LPP: variants seen among roughly 807,000 people sequenced by gnomAD.
LPP encodes the protein lipoma-preferred partner.
Under a neutral mutation model 60.4 loss-of-function variants are expected in LPP, and 38 were observed. The ratio of observed to expected loss-of-function variants is 0.63; its 90% CI spans 0.49 to 0.83. LPP has a LOEUF of 0.83. LPP is among the 40% of genes least tolerant of loss of function. The pLI is 0.00. For missense variants in LPP, 902 were observed against 783.6 expected, an observed-to-expected ratio of 1.15 and a Z score of -1.80; for synonymous variants, 328 against 290.8, an observed-to-expected ratio of 1.13 and a Z score of -1.30.
At position 188,612,849 on chromosome 3, in the gene LPP, A is replaced by T. The variant is rs568153784; in HGVS notation, c.1113+3005A>T. On this transcript the variant is annotated intron_variant, in intron 7 of 11. Coordinates refer to ENST00000617246, the MANE Select transcript of LPP (RefSeq NM_001375462.1). Reference sequence around the variant, plus strand: ...TTTAGTTTTCCTATATCAGGATAGTATAAAAAGAGGAATATGATATAGTAA... The same window carrying T: ...TTTAGTTTTCCTATATCAGGATAGTTTAAAAAGAGGAATATGATATAGTAA... Among the ~76,000 whole-genome samples, 9 of 152,276 alleles carry T rather than the reference A, an allele frequency of 5.9e-5. No individual in the cohort carries two copies. The South Asian group carries it at 1.9e-3, about 32-fold the overall frequency.
chr3:188,679,562 T>A (rs9816208), intron 7 of LPP, among the ~76,000 whole-genome samples: 2 of 124,124 alleles, frequency 1.6e-5, no homozygotes, highest in Admixed American at 7.6e-5. Context: ...TGTGTGTGTG[T>A]GCGCGCGCGC....
intron 3 of LPP, among the ~76,000 whole-genome samples, chr3:188,344,015 C>G (rs565331000): frequency 3.6e-4 from 55 of 152,332 alleles, no homozygotes; most frequent in African/African-American, 1.3e-3. Flanking sequence ...CAAACCAAAT[C>G]TATTTAAAGC....
At chr3:188,759,633 A>G (rs1417234931) in intron 8 of LPP, 2 of 156,474 alleles carry the variant, frequency 1.3e-5, no homozygotes, top group South Asian at 1.9e-4. Context: ...AGGTTTTACA[A>G]TCAGGGCTTT....
At chr3:188,771,406 G>A (rs971882084) in intron 9 of LPP, among the ~76,000 whole-genome samples, 1 of 151,848 alleles carries the variant, frequency 6.6e-6, no homozygotes, top group Non-Finnish European at 1.5e-5. Context: ...AAAATTAGCT[G>A]AATGTGGTGG....
At chr3:188,207,887 A>G (rs1733743033) in intron 1 of LPP, among the ~76,000 whole-genome samples, 1 of 152,126 alleles carries the variant, frequency 6.6e-6, no homozygotes, top group African/African-American at 2.4e-5. Context: ...AGAGTTTACA[A>G]CATCTTGTCC....
At chr3:188,417,961 GAA>G (rs1786774193) in intron 4 of LPP, among the ~76,000 whole-genome samples, 1 of 152,116 alleles carries the variant, frequency 6.6e-6, no homozygotes, top group South Asian at 2.1e-4. Flanking sequence ...GTAATCCTGA[GAA>G]AACAGGAAGC....
chr3:188,531,932 G>A (rs75604887), intron 6 of LPP, among the ~76,000 whole-genome samples: 2,245 of 152,160 alleles, frequency 0.015, 56 homozygotes, highest in African/African-American at 0.051. Context: ...CCCCACCACC[G>A]CAGCTTGTGA....
intron 9 of LPP, among the ~76,000 whole-genome samples, chr3:188,829,508 A>T (rs1251913012): frequency 6.6e-6 from 1 of 152,198 alleles, no homozygotes; most frequent in Non-Finnish European, 1.5e-5. Flanking sequence ...AACACTTTGC[A>T]GTTGAAGACC....
chr3:188,852,018 G>A (rs1762789562), intron 9 of LPP, among the ~76,000 whole-genome samples: 1 of 152,090 alleles, frequency 6.6e-6, no homozygotes, highest in Non-Finnish European at 1.5e-5. Context: ...ACAAAAATTA[G>A]CCAGGCATGA....
At chr3:188,387,490 A>G (rs572914672) in intron 3 of LPP, among the ~76,000 whole-genome samples, 1 of 152,004 alleles carries the variant, frequency 6.6e-6, no homozygotes, top group South Asian at 2.1e-4. Context: ...ATTAACATTT[A>G]TGCATAAATG....
At chr3:188,252,932 A>C (rs1730406683) in intron 2 of LPP, among the ~76,000 whole-genome samples, 1 of 151,966 alleles carries the variant, frequency 6.6e-6, no homozygotes, top group South Asian at 2.1e-4. Context: ...TCACCATACC[A>C]AGCTAATTTT....
At chr3:188,676,421 A>G (rs1858115871) in intron 7 of LPP, among the ~76,000 whole-genome samples, 1 of 152,334 alleles carries the variant, frequency 6.6e-6, no homozygotes. Context: ...TTGAGAACAC[A>G]TTTGAACTCC....
intron 7 of LPP, among the ~76,000 whole-genome samples, chr3:188,649,129 A>C (rs1851623318): frequency 6.6e-6 from 1 of 152,172 alleles, no homozygotes; most frequent in Non-Finnish European, 1.5e-5. Flanking sequence ...TTTTAAGTAA[A>C]CTCAACAAAG....
At chr3:188,437,404 T>G (rs1792604802) in intron 4 of LPP, among the ~76,000 whole-genome samples, 1 of 152,222 alleles carries the variant, frequency 6.6e-6, no homozygotes, top group Non-Finnish European at 1.5e-5. Context: ...CCTTCTTGGA[T>G]ATTTTTGTTC....
chr3:188,548,413 C>A (rs980422359), intron 6 of LPP, among the ~76,000 whole-genome samples: 3 of 152,130 alleles, frequency 2.0e-5, no homozygotes, highest in African/African-American at 7.2e-5. Flanking sequence ...GTGTTTTACG[C>A]TCTCTAATAT....
chr3:188,627,493 A>C (rs1420347245), intron 7 of LPP, among the ~76,000 whole-genome samples: 1 of 152,158 alleles, frequency 6.6e-6, no homozygotes, highest in Non-Finnish European at 1.5e-5. Flanking sequence ...AGAGGTTGCT[A>C]TTCTATTTCA....
intron 7 of LPP, among the ~76,000 whole-genome samples, chr3:188,618,754 A>G (rs771310937): frequency 2.2e-4 from 34 of 152,202 alleles, no homozygotes; most frequent in Non-Finnish European, 4.6e-4. Flanking sequence ...ATTCAAGGTA[A>G]GAGGTCCCTT....
In LPP at chr3:188,230,510, G is replaced by A. The variant is rs114195432; in HGVS notation, c.-67+4983G>A. Among the ~76,000 whole-genome samples, 902 of 152,238 alleles carry A rather than the reference G, an allele frequency of 5.9e-3. 10 individuals carry two copies. Among genetic ancestry groups the A allele is most frequent in the African/African-American group, 0.021 (854 of 41,544 alleles). On this transcript the variant is annotated intron_variant, in intron 2 of 11. Coordinates refer to ENST00000617246, the MANE Select transcript of LPP (RefSeq NM_001375462.1). ...GGAGAAAGAAAAAAATAGGCCAGGC[G>A]TAGTGGCTTATGCCTGTAATCCCAG...
intron 7 of LPP, among the ~76,000 whole-genome samples, chr3:188,676,125 A>T (rs549194291): frequency 9.3e-4 from 141 of 151,814 alleles, no homozygotes; most frequent in African/African-American, 3.0e-3. Flanking sequence ...AAACGTTTTT[A>T]AAAAAAATAG....
Sources: allele counts gnomAD v4.1 joint callset (sites outside exome capture counted in the v4.1 genomes callset), GRCh38; gene constraint gnomAD v4.1.1; transcripts MANE v1.5; gene names NCBI Gene and HGNC (gene_info 2026-07-23, HGNC 2026-07-21).